The following SOX6 variants were observed in gnomAD, a reference collection of about 807,000 sequenced individuals.
The protein encoded by SOX6 is SRY-box transcription factor 6, also known as transcription factor SOX-6.
SOX6 carries 11 observed loss-of-function variants against 97.8 expected under a neutral mutation model. That is an observed-to-expected ratio of 0.11 (90% CI 0.07 to 0.19). SOX6 has a LOEUF of 0.19. Among genes scored for constraint, SOX6 ranks in the 10% least tolerant of loss-of-function variants. The pLI is 1.00. For missense variants in SOX6, 810 were observed against 1,039.5 expected (o/e 0.78, Z 3.04); for synonymous variants, 360 against 371.4 (o/e 0.97, Z 0.35).
At chr11:16,220,601 A>G (rs957597617) in intron 4 of SOX6, among the ~76,000 whole-genome samples, 1 of 148,662 alleles carries the variant, frequency 6.7e-6, no homozygotes, top group Non-Finnish European at 1.5e-5. Flanking sequence ...AATTTGTGAT[A>G]CAAGAGGTAA....
At chr11:16,582,043 C>T (rs1205718367) in intron 4 of SOX6, among the ~76,000 whole-genome samples, 3 of 151,324 alleles carry the variant, frequency 2.0e-5, no homozygotes, top group Non-Finnish European at 2.9e-5. Flanking sequence ...ATTATCCTAA[C>T]CAAATTAACG....
At chr11:16,055,617 C>T in intron 10 of SOX6, 135 bp downstream of exon 10, 1 of 1,007,386 alleles carries the variant, frequency 9.9e-7, no homozygotes, top group South Asian at 1.4e-5. Flanking sequence ...TGAAATTTAC[C>T]ATAAAGAGGG....
rs1350449829 is a variant in SOX6, at chr11:16,663,850, ATACT to A, written n.429+50976_429+50979del. 3.3e-5 allele frequency among the ~76,000 whole-genome samples: 5 copies of A among 152,246 alleles called. No individual in the cohort carries two copies. In the East Asian group the frequency reaches 7.7e-4, roughly 23 times the overall value. The stretch of plus-strand genomic sequence containing the variant: ...TTTGATCATTTTCGACATCATAAAC[ATACT>A]TACTTTAAAGCCTTTAACAAATTCT... On this transcript the variant is annotated intron_variant and non_coding_transcript_variant, in intron 3 of 5. Transcript: ENST00000524520.
At chr11:16,084,276 C>T (rs1848532802) in intron 9 of SOX6, among the ~76,000 whole-genome samples, 1 of 152,066 alleles carries the variant, frequency 6.6e-6, no homozygotes, top group Non-Finnish European at 1.5e-5. Context: ...CTGTTCCTAT[C>T]ACCTTAAAGT....
At chr11:16,084,761 A>G (rs777211629) in intron 9 of SOX6, among the ~76,000 whole-genome samples, 1 of 152,218 alleles carries the variant, frequency 6.6e-6, no homozygotes, top group African/African-American at 2.4e-5. Flanking sequence ...ATAAATGGCT[A>G]CAAATCATCA....
chr11:16,042,131 G>T (rs1482056330), intron 12 of SOX6, among the ~76,000 whole-genome samples: 1 of 152,154 alleles, frequency 6.6e-6, no homozygotes, highest in Non-Finnish European at 1.5e-5. Context: ...GAGACTCAGA[G>T]AGGTTAAATA....
chr11:16,261,367 T>A (rs1853889723), intron 3 of SOX6, among the ~76,000 whole-genome samples: 1 of 152,174 alleles, frequency 6.6e-6, no homozygotes, highest in Admixed American at 6.6e-5. Flanking sequence ...AATTTAATAC[T>A]ATGTTTTAAT....
At chr11:16,528,788 A>G (rs1178921715) in intron 4 of SOX6, among the ~76,000 whole-genome samples, 1 of 152,128 alleles carries the variant, frequency 6.6e-6, no homozygotes, top group East Asian at 1.9e-4. Context: ...CACTTTCAAA[A>G]ATAGCTTGCC....
chr11:16,404,742 T>C (rs140947565), intron 1 of SOX6, among the ~76,000 whole-genome samples: 1 of 152,104 alleles, frequency 6.6e-6, no homozygotes, highest in East Asian at 1.9e-4. Flanking sequence ...ATGTTTAATG[T>C]GATAAATGGG....
intron 3 of SOX6, among the ~76,000 whole-genome samples, chr11:16,705,242 A>G (rs1013865209): frequency 7.9e-5 from 12 of 151,860 alleles, no homozygotes; most frequent in African/African-American, 2.4e-4. Context: ...TGGGCGACAG[A>G]GCAAGACTCT....
At chr11:16,026,933 C>A (rs934234267) in intron 12 of SOX6, among the ~76,000 whole-genome samples, 1 of 152,068 alleles carries the variant, frequency 6.6e-6, no homozygotes, top group African/African-American at 2.4e-5. Context: ...GGCACCATTA[C>A]AAAAGACAAA....
rs1316989160 is a variant in SOX6 at position 15,966,914 on chromosome 11, T to G, written c.*5895A>C. On this transcript the variant is annotated 3_prime_UTR_variant, in exon 16 of 16. Coordinates refer to ENST00000683767, the MANE Select transcript of SOX6 (RefSeq NM_001367873.1). ...TCATTCCTGTAAATTTGAAGAGATT[T>G]TTTTTATTTTTCCCATTTCTTTAAT... 2.0e-5 allele frequency: 3 copies of G among 152,202 alleles called. No homozygotes were observed. Among genetic ancestry groups the G allele is most frequent in the African/African-American group, 7.2e-5 (3 of 41,460 alleles). 9.4% of individuals were successfully genotyped at this position (152,202 alleles called of 1,614,324 possible). A position where few individuals can be genotyped will look rare whatever the true frequency, so the allele number is the denominator to read the frequency against.
chr11:15,991,831 C>A (rs1590113941), intron 13 of SOX6, among the ~76,000 whole-genome samples: 2 of 152,178 alleles, frequency 1.3e-5, no homozygotes, highest in Admixed American at 1.3e-4. Flanking sequence ...AATAGAGTCT[C>A]CCAGATATGC....
At chr11:16,176,315 C>G (rs1238090743) in intron 6 of SOX6, among the ~76,000 whole-genome samples, 2 of 151,800 alleles carry the variant, frequency 1.3e-5, no homozygotes, top group African/African-American at 4.8e-5. Flanking sequence ...GGATAGGCAT[C>G]AGTATTTTTA....
intron 3 of SOX6, among the ~76,000 whole-genome samples, chr11:16,309,726 A>AT (rs1348184682): frequency 1.3e-5 from 2 of 152,142 alleles, no homozygotes; most frequent in South Asian, 4.1e-4. Flanking sequence ...TTTTCTGTTC[A>AT]TTTTTTCTTT....
intron 6 of SOX6, among the ~76,000 whole-genome samples, chr11:16,142,938 T>C (rs1479922487): frequency 6.6e-6 from 1 of 151,940 alleles, no homozygotes; most frequent in Non-Finnish European, 1.5e-5. Flanking sequence ...CAGGATATCA[T>C]CCAGGAGAAT....
rs376474491 is a variant in SOX6 at position 16,442,874 on chromosome 11, G to C, written c.-5+33441C>G. Among the ~76,000 whole-genome samples, 5 of 152,144 alleles carry C rather than the reference G, an allele frequency of 3.3e-5. No individual in the cohort carries two copies. The East Asian group carries it at 7.7e-4, about 23-fold the overall frequency. On this transcript the variant is annotated intron_variant, in intron 1 of 15. Transcript: ENST00000396356. ...AACAGGTAATTCCCTAGAAAAATAC[G>C]TATCTTATCAAAATTAATTAGTTGA... is the stretch of plus-strand genomic sequence containing the variant.
At chr11:16,129,066 C>G (rs1278751460) in intron 6 of SOX6, among the ~76,000 whole-genome samples, 5 of 147,800 alleles carry the variant, frequency 3.4e-5, no homozygotes, top group African/African-American at 7.5e-5. Context: ...TGGGGTTTCT[C>G]CATGTTGGTC....
chr11:16,651,107 G>A (rs1053774314), intron 3 of SOX6, among the ~76,000 whole-genome samples: 2 of 151,666 alleles, frequency 1.3e-5, no homozygotes, highest in African/African-American at 2.4e-5. Context: ...CAATAACAGC[G>A]AGATTAAAAG....
Sources: gnomAD v4.1 joint callset for allele counts (sites outside exome capture counted in the v4.1 genomes callset) on GRCh38, gnomAD v4.1.1 for gene constraint, MANE v1.5 for transcripts, NCBI Gene and HGNC (gene_info 2026-07-23, HGNC 2026-07-21) for gene names.